CNTLN: variants seen among roughly 807,000 people sequenced by gnomAD.
CNTLN encodes centlein, centrosomal protein.
Under a neutral mutation model 180.0 loss-of-function variants are expected in CNTLN, and 212 were observed. The ratio of observed to expected loss-of-function variants is 1.18; its 90% CI spans 1.05 to 1.32. CNTLN has a LOEUF of 1.32. Ranked by LOEUF, CNTLN falls within the 40% of genes most tolerant of loss-of-function variation. The probability of loss-of-function intolerance (pLI) is 0.00; values close to 1 mark genes in which losing one functional copy is unlikely to be tolerated. For missense variants in CNTLN, 2,095 were observed against 1,610.9 expected, an observed-to-expected ratio of 1.30 and a Z score of -5.14; for synonymous variants, 722 against 563.1, an observed-to-expected ratio of 1.28 and a Z score of -3.99.
chr9:17,278,500 G>A (rs1022227350), intron 6 of CNTLN, among the ~76,000 whole-genome samples: 5 of 152,060 alleles, frequency 3.3e-5, no homozygotes, highest in Non-Finnish European at 2.9e-5. Flanking sequence ...TCCTCAAACA[G>A]ATTTTGAACA....
At chr9:17,436,269 C>T (rs956470057) in intron 18 of CNTLN, among the ~76,000 whole-genome samples, 4 of 152,082 alleles carry the variant, frequency 2.6e-5, no homozygotes, top group African/African-American at 9.7e-5. Context: ...ATTCCCCTAC[C>T]GTCTGAGTCA....
intron 14 of CNTLN, 144 bp downstream of exon 14, chr9:17,388,397 C>A: frequency 1.8e-6 from 1 of 562,658 alleles, no homozygotes; most frequent in Admixed American, 2.8e-5. Flanking sequence ...ATTGGCTTGC[C>A]AAAATGGGGT....
intron 7 of CNTLN, among the ~76,000 whole-genome samples, chr9:17,304,754 A>G (rs944351752): frequency 1.8e-4 from 27 of 152,184 alleles, no homozygotes; most frequent in Admixed American, 1.3e-4. Flanking sequence ...AAAAAGTATA[A>G]CAACTATTTA....
chr9:17,236,977 A>G (rs1367542227), intron 5 of CNTLN, among the ~76,000 whole-genome samples: 1 of 152,180 alleles, frequency 6.6e-6, no homozygotes, highest in Non-Finnish European at 1.5e-5. Flanking sequence ...AAAGTGTAAA[A>G]AATACTAAAC....
chr9:17,154,702 G>C (rs1819136640), intron 2 of CNTLN, among the ~76,000 whole-genome samples: 1 of 152,170 alleles, frequency 6.6e-6, no homozygotes, highest in South Asian at 2.1e-4. Flanking sequence ...TCTAGCTAAA[G>C]GTTTGTAAAT....
chr9:17,137,578 T>G (rs1817807073), intron 1 of CNTLN, among the ~76,000 whole-genome samples: 1 of 152,246 alleles, frequency 6.6e-6, no homozygotes, highest in South Asian at 2.1e-4. Context: ...TGTGGGCTGA[T>G]ATTTTTTCAG....
chr9:17,327,163 TC>T (rs1233056180), intron 8 of CNTLN, among the ~76,000 whole-genome samples: 6 of 151,686 alleles, frequency 4.0e-5, no homozygotes, highest in Non-Finnish European at 7.4e-5. Flanking sequence ...AAAAATAAAG[TC>T]TATTAATTTT....
chr9:17,426,980 C>G (rs1161338044), intron 18 of CNTLN, among the ~76,000 whole-genome samples: 1 of 152,128 alleles, frequency 6.6e-6, no homozygotes, highest in Non-Finnish European at 1.5e-5. Flanking sequence ...GTAGAGATAA[C>G]TGAGAATTTT....
At position 17,503,806 on chromosome 9, in the gene CNTLN, G is replaced by T. The variant is rs956101164; in HGVS notation, c.*1154G>T. The T allele has an allele frequency of 1.3e-5, 2 of 152,614 alleles. No homozygotes were observed. Among genetic ancestry groups the T allele is most frequent in the Admixed American group, 6.5e-5 (1 of 15,274 alleles). The allele number at this position is 152,614 out of a possible 1,614,324, so 9.5% of individuals were successfully genotyped here. ...TTGTATGGCCCACAAGCTAAGAATGGTTTTTGCCTTATTAAATGGTTTTTA... is the reference window on the plus strand; with the variant it reads ...TTGTATGGCCCACAAGCTAAGAATGTTTTTTGCCTTATTAAATGGTTTTTA... On this transcript the variant is annotated 3_prime_UTR_variant, in exon 26 of 26. Coordinates refer to ENST00000380647, the MANE Select transcript of CNTLN (RefSeq NM_017738.4).
At chr9:17,268,928 G>C (rs949285595) in intron 5 of CNTLN, among the ~76,000 whole-genome samples, 1 of 151,904 alleles carries the variant, frequency 6.6e-6, no homozygotes, top group South Asian at 2.1e-4. Flanking sequence ...TTTTCCAGGT[G>C]CTGTCTGTCA....
chr9:17,407,742 T>G (rs1014108848), intron 15 of CNTLN, among the ~76,000 whole-genome samples: 2 of 151,932 alleles, frequency 1.3e-5, no homozygotes, highest in Admixed American at 1.3e-4. Flanking sequence ...CTACCAAGAG[T>G]TTTACTCAGT....
rs189552377 is a variant in CNTLN at position 17,404,106 on chromosome 9, G to A, written c.2616-5187G>A. On this transcript the variant is annotated intron_variant, in intron 15 of 25. Transcript: ENST00000380647. ...ACAGAGTTTATGGCAAGGGATATATGACAATGCTCTGTGTCTTCAAATTCA... is the reference window on the plus strand; with the variant it reads ...ACAGAGTTTATGGCAAGGGATATATAACAATGCTCTGTGTCTTCAAATTCA... Among the ~76,000 whole-genome samples, 71 of 151,782 alleles carry A rather than the reference G, an allele frequency of 4.7e-4. 3 individuals carry two copies. The highest frequency in any genetic ancestry group is 1.6e-3 in the African/African-American group (66 of 41,172).
Position 17,416,186 on chromosome 9 carries a change from A to AT in CNTLN, c.3111_3112insT (p.Lys1038Ter), listed in dbSNP as rs1564087610. The AT allele has an allele frequency of 6.2e-7, 1 of 1,610,610 alleles. No individual in the cohort carries two copies. The highest frequency in any genetic ancestry group is 1.1e-5 in the South Asian group (1 of 90,550). On this transcript the variant is annotated frameshift_variant, in exon 18 of 26. Coordinates refer to ENST00000380647, the MANE Select transcript of CNTLN (RefSeq NM_017738.4). LOFTEE classifies it high-confidence loss of function. ...GATTTCAGACAAGCAGGCAGACAAT[A>AT]AAGGTAAAGAGAACTTTAAGATTGA...
intron 13 of CNTLN, among the ~76,000 whole-genome samples, chr9:17,367,261 G>A (rs1041517242): frequency 2.0e-5 from 3 of 152,252 alleles, no homozygotes; most frequent in South Asian, 2.1e-4. Context: ...GAGCAAAACC[G>A]GGCCAAATGC....
chr9:17,227,023 G>A (rs1248791632), intron 3 of CNTLN, among the ~76,000 whole-genome samples: 2 of 151,750 alleles, frequency 1.3e-5, no homozygotes, highest in East Asian at 1.9e-4. Context: ...ATAGTGTGGC[G>A]ATTCATCGGT....
intron 12 of CNTLN, among the ~76,000 whole-genome samples, chr9:17,362,206 C>G (rs1823454245): frequency 6.6e-6 from 1 of 152,208 alleles, no homozygotes; most frequent in African/African-American, 2.4e-5. Context: ...GGTTAGTGAT[C>G]TGAGAGCCAA....
At chr9:17,140,904 G>C (rs138467866) in intron 1 of CNTLN, among the ~76,000 whole-genome samples, 5 of 152,164 alleles carry the variant, frequency 3.3e-5, no homozygotes, top group African/African-American at 1.2e-4. Context: ...TCTTGGAATA[G>C]AGAAGGCTTT....
intron 6 of CNTLN, among the ~76,000 whole-genome samples, chr9:17,295,824 A>T (rs1287805538): frequency 1.3e-5 from 2 of 152,110 alleles, no homozygotes; most frequent in Non-Finnish European, 2.9e-5. Context: ...ACATATCTAC[A>T]TAGTATAAGA....
Position 17,273,751 on chromosome 9 carries a change from A to T in CNTLN, c.868A>T (p.Ile290Phe). 6.5e-7 allele frequency: 1 copy of T among 1,533,070 alleles called. No homozygotes were observed. The highest frequency in any genetic ancestry group is 8.8e-7 in the Non-Finnish European group (1 of 1,139,648). The allele number at this position is 1,533,070 out of a possible 1,614,324, so 95.0% of individuals were successfully genotyped here. Residue 290 changes from isoleucine to phenylalanine, a missense_variant, in exon 6 of 26, where the codon ATT (isoleucine) becomes TTT (phenylalanine). Physicochemically the swap from Ile to Phe is conservative, Grantham distance 21. Coordinates refer to ENST00000380647, the MANE Select transcript of CNTLN (RefSeq NM_017738.4). ...AKIKTFEDNL[I>F]EARKEVEVSQ... The stretch of plus-strand genomic sequence containing the variant: ...ATTTTAGACCTTTGAAGACAATTTA[A>T]TTGAAGCAAGGAAAGAAGTTGAAGT...
Sources: gnomAD v4.1 joint callset for allele counts (sites outside exome capture counted in the v4.1 genomes callset) on GRCh38, gnomAD v4.1.1 for gene constraint, MANE v1.5 for transcripts, NCBI Gene and HGNC (gene_info 2026-07-23, HGNC 2026-07-21) for gene names.